NRG1: variants seen among roughly 807,000 people sequenced by gnomAD.
NRG1 encodes neuregulin 1, also known as pro-neuregulin-1, membrane-bound isoform.
Under a neutral mutation model 63.8 loss-of-function variants are expected in NRG1, and 18 were observed. The ratio of observed to expected loss-of-function variants is 0.28; its 90% confidence interval spans 0.19 to 0.42. The LOEUF (loss-of-function observed/expected upper bound fraction) is 0.42, where lower values mean the gene tolerates loss of function less well. Among genes scored for constraint, NRG1 ranks in the 10% least tolerant of loss-of-function variants. NRG1 has a pLI of 1.00. For missense variants in NRG1, 762 were observed against 814.7 expected (o/e 0.94, Z 0.79); for synonymous variants, 302 against 301.3 (o/e 1.00, Z -0.02).
At chr8:32,088,176 G>A (rs991492130) in intron 1 of NRG1, among the ~76,000 whole-genome samples, 8 of 152,140 alleles carry the variant, frequency 5.3e-5, no homozygotes, top group African/African-American at 1.9e-4. Flanking sequence ...CCCCTTTAAT[G>A]TGACTGTGTG....
intron 1 of NRG1, among the ~76,000 whole-genome samples, chr8:32,154,474 CCTT>C (rs1837845126): frequency 6.6e-6 from 1 of 152,084 alleles, no homozygotes; most frequent in South Asian, 2.1e-4. Context: ...TCCCTTCCCT[CCTT>C]CTGTTCTCCA....
chr8:32,082,118 T>C lies in NRG1; in HGVS notation c.37+442687T>C, dbSNP rs187012783. On this transcript the variant is annotated intron_variant, in intron 1 of 10. Transcript: ENST00000519301. ...ATTCTCAAATTGAGTTTGAGCTTGT[T>C]GACAAAAACCAGGCTTAGGCAGAGG... is the stretch of plus-strand genomic sequence containing the variant. 6.7e-4 allele frequency among the ~76,000 whole-genome samples: 102 copies of C among 152,150 alleles called. 2 individuals are homozygous for C. In the East Asian group the frequency reaches 0.019, roughly 28 times the overall value.
intron 1 of NRG1, among the ~76,000 whole-genome samples, chr8:31,726,936 T>C (rs1031006754): frequency 1.3e-5 from 2 of 152,156 alleles, no homozygotes; most frequent in African/African-American, 4.8e-5. Flanking sequence ...CTTGCAATCA[T>C]TGGACGAATT....
chr8:31,822,697 G>A (rs1164331835), intron 1 of NRG1, among the ~76,000 whole-genome samples: 1 of 152,124 alleles, frequency 6.6e-6, no homozygotes, highest in African/African-American at 2.4e-5. Context: ...ACAGACTTAG[G>A]TTTTTTGAAT....
intron 1 of NRG1, among the ~76,000 whole-genome samples, chr8:32,593,347 G>A (rs187868581): frequency 9.9e-5 from 15 of 152,082 alleles, no homozygotes; most frequent in Non-Finnish European, 1.6e-4. Context: ...ATGTAGCACC[G>A]GCAGATTTGT....
chr8:31,665,652 C>T (rs150547619), intron 1 of NRG1, among the ~76,000 whole-genome samples: 9 of 152,270 alleles, frequency 5.9e-5, no homozygotes, highest in South Asian at 2.1e-4. Flanking sequence ...CAGTGATTTA[C>T]GTAGTCAACC....
At chr8:31,777,551 C>T (rs576160238) in intron 1 of NRG1, among the ~76,000 whole-genome samples, 9 of 152,198 alleles carry the variant, frequency 5.9e-5, no homozygotes, top group Non-Finnish European at 1.3e-4. Context: ...CTGCATTGTT[C>T]CCCTGTTCTT....
chr8:31,889,297 G>A (rs1048710408), intron 1 of NRG1, among the ~76,000 whole-genome samples: 9 of 151,920 alleles, frequency 5.9e-5, no homozygotes, highest in East Asian at 1.9e-4. Context: ...AGATTATTTC[G>A]TAGGTATATC....
At chr8:32,337,132 T>A (rs1443969192) in intron 1 of NRG1, among the ~76,000 whole-genome samples, 1 of 152,150 alleles carries the variant, frequency 6.6e-6, no homozygotes, top group African/African-American at 2.4e-5. Context: ...TGTCTCAGCC[T>A]CCCAAGTAGC....
intron 1 of NRG1, among the ~76,000 whole-genome samples, chr8:31,739,094 C>A (rs1291882003): frequency 6.6e-6 from 1 of 152,070 alleles, no homozygotes; most frequent in Non-Finnish European, 1.5e-5. Context: ...AACATAGATG[C>A]AAAGACGTTT....
intron 5 of NRG1, among the ~76,000 whole-genome samples, chr8:32,725,832 T>G (rs1822027627): frequency 6.6e-6 from 1 of 152,078 alleles, no homozygotes; most frequent in African/African-American, 2.4e-5. Context: ...ACATAGCACC[T>G]AAATAAGTAG....
chr8:31,719,160 A>T (rs1434464661), intron 1 of NRG1, among the ~76,000 whole-genome samples: 1 of 152,148 alleles, frequency 6.6e-6, no homozygotes, highest in Middle Eastern at 3.2e-3. Context: ...TTCCCTCCTA[A>T]AGATAAAACT....
chr8:32,186,173 T>C (rs1841942696), intron 1 of NRG1, among the ~76,000 whole-genome samples: 1 of 152,042 alleles, frequency 6.6e-6, no homozygotes, highest in Non-Finnish European at 1.5e-5. Flanking sequence ...TCTTCTAAAA[T>C]GAAACACAAG....
At chr8:32,098,316 G>A (rs1385932168) in intron 1 of NRG1, among the ~76,000 whole-genome samples, 1 of 152,196 alleles carries the variant, frequency 6.6e-6, no homozygotes, top group Non-Finnish European at 1.5e-5. Context: ...CTGGCCAAAG[G>A]AACAGCCACA....
At chr8:32,132,356 TA>T (rs2131637930) in intron 1 of NRG1, among the ~76,000 whole-genome samples, 1 of 152,136 alleles carries the variant, frequency 6.6e-6, no homozygotes, top group South Asian at 2.1e-4. Flanking sequence ...TTCTTAAGGA[TA>T]AGCTCTTTGC....
intron 1 of NRG1, among the ~76,000 whole-genome samples, chr8:32,081,563 CAG>C (rs1350004960): frequency 6.6e-6 from 1 of 152,026 alleles, no homozygotes; most frequent in Non-Finnish European, 1.5e-5. Flanking sequence ...AAGAAGTAAA[CAG>C]AATTGAAACT....
chr8:31,656,879 A>G (rs1388734595), intron 1 of NRG1, among the ~76,000 whole-genome samples: 1 of 152,226 alleles, frequency 6.6e-6, no homozygotes, highest in Non-Finnish European at 1.5e-5. Flanking sequence ...GTGAAGTGAC[A>G]TCTATCAATC....
At chr8:32,658,091 T>G (rs1002466134) in intron 5 of NRG1, among the ~76,000 whole-genome samples, 2 of 152,202 alleles carry the variant, frequency 1.3e-5, no homozygotes, top group African/African-American at 4.8e-5. Context: ...TAGTCTTGCA[T>G]GAATATGATC....
At chr8:32,635,286 G>A (rs932560502) in intron 5 of NRG1, among the ~76,000 whole-genome samples, 2 of 152,214 alleles carry the variant, frequency 1.3e-5, no homozygotes, top group Non-Finnish European at 2.9e-5. Flanking sequence ...AGGTGGATGG[G>A]TAGCTAAGTA....
Sources: allele counts gnomAD v4.1 joint callset (sites outside exome capture counted in the v4.1 genomes callset), GRCh38; gene constraint gnomAD v4.1.1; transcripts MANE v1.5; gene names NCBI Gene and HGNC (gene_info 2026-07-23, HGNC 2026-07-21).